Variants in DLG1 observed in about 807,000 individuals in gnomAD.
DLG1 encodes the protein disks large homolog 1.
A neutral mutation model predicts 123.4 loss-of-function variants in DLG1; 42 were observed. That is an observed-to-expected ratio of 0.34 (90% CI 0.27 to 0.44). The LOEUF (loss-of-function observed/expected upper bound fraction) is 0.44. Ranked by LOEUF, DLG1 falls within the 20% of genes least tolerant of loss-of-function variation. The pLI, the probability that DLG1 is intolerant of heterozygous loss-of-function variation, is 1.00. For synonymous variants in DLG1, 317 were observed against 356.2 expected (o/e 0.89, Z 1.24); for missense variants, 942 against 1,082.6 (o/e 0.87, Z 1.82).
At chr3:197,082,586 G>A (rs1339059853) in intron 16 of DLG1, among the ~76,000 whole-genome samples, 2 of 152,100 alleles carry the variant, frequency 1.3e-5, no homozygotes, top group African/African-American at 4.8e-5. Context: ...GTCTATATTT[G>A]TAAATATTAT....
At chr3:197,045,092 G>A (rs1721985156) in intron 24 of DLG1, among the ~76,000 whole-genome samples, 1 of 151,778 alleles carries the variant, frequency 6.6e-6, no homozygotes, top group South Asian at 2.1e-4. Context: ...CCATAGACAG[G>A]ATGATGTAAG....
chr3:197,251,068 A>G (rs951554476), intron 4 of DLG1, among the ~76,000 whole-genome samples: 1 of 151,920 alleles, frequency 6.6e-6, no homozygotes, highest in Non-Finnish European at 1.5e-5. Flanking sequence ...ATACTGTAAA[A>G]ATAACAATAC....
At chr3:197,235,410 G>A (rs1047016498) in intron 4 of DLG1, among the ~76,000 whole-genome samples, 1 of 152,148 alleles carries the variant, frequency 6.6e-6, no homozygotes, top group Non-Finnish European at 1.5e-5. Flanking sequence ...ATTCAACAAG[G>A]CCAGGCAAAT....
At chr3:197,242,711 A>G (rs191870472) in intron 4 of DLG1, among the ~76,000 whole-genome samples, 1 of 152,288 alleles carries the variant, frequency 6.6e-6, no homozygotes, top group Non-Finnish European at 1.5e-5. Flanking sequence ...AAACTTAAAA[A>G]CTTGAAACAA....
chr3:197,284,317 T>C (rs1770785970), intron 3 of DLG1, among the ~76,000 whole-genome samples: 1 of 152,116 alleles, frequency 6.6e-6, no homozygotes, highest in African/African-American at 2.4e-5. Context: ...GTGCTATGCA[T>C]ACACGCAAAC....
intron 3 of DLG1, among the ~76,000 whole-genome samples, chr3:197,295,484 A>C (rs1225098280): frequency 6.7e-6 from 1 of 149,938 alleles, no homozygotes; most frequent in Non-Finnish European, 1.5e-5. Flanking sequence ...AACTAAAACA[A>C]AAAAAAAAAA....
At chr3:197,264,447 G>A (rs1255162358) in intron 4 of DLG1, among the ~76,000 whole-genome samples, 1 of 152,104 alleles carries the variant, frequency 6.6e-6, no homozygotes, top group Non-Finnish European at 1.5e-5. Flanking sequence ...TTTTGAGATG[G>A]AGTTTCACTC....
At chr3:197,172,856 C>T (rs1317923782) in intron 5 of DLG1, among the ~76,000 whole-genome samples, 1 of 152,156 alleles carries the variant, frequency 6.6e-6, no homozygotes, top group East Asian at 1.9e-4. Context: ...TGAAAATAAA[C>T]ATGTCTTGGT....
intron 18 of DLG1, chr3:197,075,884 TC>T: frequency 6.2e-7 from 1 of 1,609,222 alleles, no homozygotes; most frequent in East Asian, 2.2e-5. Flanking sequence ...TAGAGGGTAG[TC>T]CCCAGAGAGC....
intron 12 of DLG1, among the ~76,000 whole-genome samples, chr3:197,117,519 T>C (rs1329312276): frequency 1.3e-5 from 2 of 152,212 alleles, no homozygotes; most frequent in South Asian, 2.1e-4. Flanking sequence ...GAAATTCTGA[T>C]ACATGCTAAC....
At chr3:197,049,127 C>T (rs954625207) in intron 24 of DLG1, among the ~76,000 whole-genome samples, 4 of 23,974 alleles carry the variant, frequency 1.7e-4, no homozygotes, top group Non-Finnish European at 1.6e-4. Flanking sequence ...GAGACCAGCA[C>T]GGCCAACCCT....
At chr3:197,249,978 A>G (rs1374271427) in intron 4 of DLG1, among the ~76,000 whole-genome samples, 1 of 152,240 alleles carries the variant, frequency 6.6e-6, no homozygotes, top group East Asian at 1.9e-4. Context: ...GAAAAATTGA[A>G]GGTCTTTCCT....
intron 5 of DLG1, chr3:197,183,767 G>A (rs770126402): frequency 2.0e-5 from 31 of 1,550,342 alleles, no homozygotes; most frequent in South Asian, 7.1e-5. Flanking sequence ...CTCGACTGCC[G>A]CGAGAGTATA....
Position 197,296,442 on chromosome 3 carries a change from G to C in DLG1, c.55C>G (p.Arg19Gly). ...QRALHLLEEYRSKLSQTEDRQ... is the reference protein window; with the variant it reads ...QRALHLLEEYGSKLSQTEDRQ... Reference sequence around the variant, plus strand: ...TCTTCAGTTTGGCTTAGTTTTGAACGATATTCCTCCAAAAGGTGCAATGCT... The same window carrying C: ...TCTTCAGTTTGGCTTAGTTTTGAACCATATTCCTCCAAAAGGTGCAATGCT... The change falls in exon 3 of 25, where the codon CGT becomes GGT. Residue 19 changes from arginine to glycine, a missense_variant. Coordinates refer to ENST00000667157, the MANE Select transcript of DLG1 (RefSeq NM_001366207.1). 1 of 1,613,486 alleles carries C rather than the reference G, an allele frequency of 6.2e-7. No homozygotes were observed. Among genetic ancestry groups the C allele is most frequent in the Non-Finnish European group, 8.5e-7 (1 of 1,179,520 alleles).
chr3:197,189,275 A>G (rs1025737665), intron 5 of DLG1, among the ~76,000 whole-genome samples: 2 of 152,236 alleles, frequency 1.3e-5, no homozygotes, highest in African/African-American at 4.8e-5. Flanking sequence ...TGGTCATCAA[A>G]TTATGGTGCA....
At chr3:197,122,282 C>T (rs951937548) in intron 11 of DLG1, among the ~76,000 whole-genome samples, 3 of 151,884 alleles carry the variant, frequency 2.0e-5, no homozygotes, top group African/African-American at 7.3e-5. Context: ...TAAAAACTCC[C>T]CATAAACCAG....
chr3:197,078,859 T>C (rs1206478775), intron 17 of DLG1, among the ~76,000 whole-genome samples: 2 of 152,196 alleles, frequency 1.3e-5, no homozygotes, highest in African/African-American at 4.8e-5. Flanking sequence ...TCTATAGTGG[T>C]CAGAGTCAGT....
chr3:197,143,115 T>G (rs1788881195), intron 6 of DLG1, among the ~76,000 whole-genome samples: 1 of 152,280 alleles, frequency 6.6e-6, no homozygotes, highest in South Asian at 2.1e-4. Context: ...AATCATCACC[T>G]CTTCACTCTC....
chr3:197,223,675 C>T (rs1274612237), intron 4 of DLG1, among the ~76,000 whole-genome samples: 2 of 152,162 alleles, frequency 1.3e-5, no homozygotes, highest in Non-Finnish European at 2.9e-5. Flanking sequence ...ACAGGCAATA[C>T]TGGTATTAGT....
Sources: allele counts gnomAD v4.1 joint callset (sites outside exome capture counted in the v4.1 genomes callset), GRCh38; gene constraint gnomAD v4.1.1; transcripts MANE v1.5; gene names NCBI Gene and HGNC (gene_info 2026-07-23, HGNC 2026-07-21).